TMPRSS2: variants seen among roughly 807,000 people sequenced by gnomAD.
The protein encoded by TMPRSS2 is transmembrane protease serine 2.
A neutral mutation model predicts 67.4 loss-of-function variants in TMPRSS2; 59 were observed. The ratio of observed to expected loss-of-function variants is 0.88; its 90% CI spans 0.71 to 1.09. The LOEUF is 1.09. Among genes scored for constraint, TMPRSS2 ranks in the 50% least tolerant of loss-of-function variants. The pLI is 0.00. For synonymous variants in TMPRSS2, 257 were observed against 257.0 expected, an observed-to-expected ratio of 1.00 and a Z score of 0.00; for missense variants, 668 against 642.7, an observed-to-expected ratio of 1.04 and a Z score of -0.43.
At chr21:41,497,451 A>G (rs757573465) in intron 2 of TMPRSS2, among the ~76,000 whole-genome samples, 12 of 152,230 alleles carry the variant, frequency 7.9e-5, no homozygotes, top group Non-Finnish European at 1.8e-4. Context: ...CTTGCCATCC[A>G]CTAGCAAGCA....
At chr21:41,506,443 A>C (rs1443585942) in intron 1 of TMPRSS2, 1 of 152,208 alleles carries the variant, frequency 6.6e-6, no homozygotes, top group East Asian at 1.9e-4. Flanking sequence ...TTCTAACCTC[A>C]CCTGTCCAGT....
At chr21:41,497,373 G>A (rs2091391200) in intron 2 of TMPRSS2, among the ~76,000 whole-genome samples, 1 of 152,116 alleles carries the variant, frequency 6.6e-6, no homozygotes, top group African/African-American at 2.4e-5. Context: ...AGCACACAGA[G>A]GGAAAACACA....
intron 6 of TMPRSS2, among the ~76,000 whole-genome samples, chr21:41,480,173 CACCT>C (rs2091245725): frequency 6.6e-6 from 1 of 152,272 alleles, no homozygotes; most frequent in East Asian, 1.9e-4. Context: ...GAAAAAGAGG[CACCT>C]AACGCCCTCA....
At chr21:41,496,524 A>C (rs2091383471) in intron 2 of TMPRSS2, among the ~76,000 whole-genome samples, 1 of 152,220 alleles carries the variant, frequency 6.6e-6, no homozygotes, top group African/African-American at 2.4e-5. Flanking sequence ...TGTGAAAGGA[A>C]CTGCCTAGAA....
At chr21:41,498,506 G>A (rs928675786) in intron 1 of TMPRSS2, among the ~76,000 whole-genome samples, 2 of 152,190 alleles carry the variant, frequency 1.3e-5, no homozygotes, top group African/African-American at 2.4e-5. Context: ...AACACACTCA[G>A]TGACTCAAAC....
intron 7 of TMPRSS2, among the ~76,000 whole-genome samples, chr21:41,477,202 C>T (rs945516047): frequency 3.9e-5 from 6 of 152,154 alleles, no homozygotes; most frequent in Non-Finnish European, 7.3e-5. Flanking sequence ...AGAGCTGGCC[C>T]GCCCTGATAG....
At chr21:41,494,861 G>A (rs1043987562) in intron 2 of TMPRSS2, 2 of 429,224 alleles carry the variant, frequency 4.7e-6, no homozygotes, top group Non-Finnish European at 8.6e-6. Context: ...ATGAGGTCAG[G>A]AGATCGAGAC....
intron 8 of TMPRSS2, among the ~76,000 whole-genome samples, 179 bp from the exon 9 acceptor site, chr21:41,473,675 A>G (rs1022942032): frequency 3.3e-5 from 5 of 151,818 alleles, no homozygotes; most frequent in Non-Finnish European, 7.4e-5. Context: ...ATGCCCCTCC[A>G]GCCCACCCAG....
chr21:41,473,622 G>A, intron 8 of TMPRSS2, 126 bp from the exon 9 acceptor site: 2 of 1,058,502 alleles, frequency 1.9e-6, no homozygotes, highest in Non-Finnish European at 2.7e-6. Context: ...TGCTGGGGAT[G>A]GACTTAGGGG....
chr21:41,503,527 C>T (rs920822008), intron 1 of TMPRSS2, among the ~76,000 whole-genome samples: 4 of 152,292 alleles, frequency 2.6e-5, no homozygotes, highest in South Asian at 2.1e-4. Flanking sequence ...ACGTAAGAGC[C>T]GGCTATGTGG....
rs147977027 is a variant in TMPRSS2 at position 41,502,347 on chromosome 21, T to C, written c.-56-4158A>G. 1.3e-5 allele frequency: 13 copies of C among 980,230 alleles called. No homozygotes were observed. The East Asian group carries it at 1.5e-3, about 112-fold the overall frequency. 60.7% of individuals were successfully genotyped at this position (980,230 alleles called of 1,614,324 possible). ...GACTCCCACCCAAGATCCAGGGGTA[T>C]TCTCTGCAATGAAGTCTCCACTGAC... On this transcript the variant is annotated intron_variant, in intron 1 of 13. Coordinates refer to ENST00000332149, the MANE Select transcript of TMPRSS2 (RefSeq NM_005656.4).
At chr21:41,468,253 T>A in intron 12 of TMPRSS2, 143 bp downstream of exon 12, 1 of 1,027,646 alleles carries the variant, frequency 9.7e-7, no homozygotes, top group Non-Finnish European at 1.4e-6. Flanking sequence ...TCGCACTGTT[T>A]GTGGCCGTCA....
rs904270899 is a variant in TMPRSS2, at chr21:41,466,063, G to C, written c.*79C>G. ...GAAGTGACCTCTGAATCATCTCTAA[G>C]AGTAAATCATGCACGGGGAAGCAAA... On this transcript the variant is annotated 3_prime_UTR_variant, in exon 14 of 14. Coordinates refer to ENST00000332149, the MANE Select transcript of TMPRSS2 (RefSeq NM_005656.4). 39 of 1,524,958 alleles carry C rather than the reference G, an allele frequency of 2.6e-5. No homozygotes were observed. The highest frequency in any genetic ancestry group is 3.3e-5 in the Non-Finnish European group (36 of 1,104,362). 94.5% of individuals were successfully genotyped at this position (1,524,958 alleles called of 1,614,324 possible).
At chr21:41,504,929 G>T (rs989435736) in intron 1 of TMPRSS2, among the ~76,000 whole-genome samples, 1 of 152,300 alleles carries the variant, frequency 6.6e-6, no homozygotes, top group African/African-American at 2.4e-5. Flanking sequence ...GGAAAGTAAG[G>T]AGGGGCGGGG....
chr21:41,496,256 T>C (rs919311893), intron 2 of TMPRSS2, among the ~76,000 whole-genome samples: 1 of 152,202 alleles, frequency 6.6e-6, no homozygotes, highest in African/African-American at 2.4e-5. Context: ...AGTGAAGAAA[T>C]GTTCCTAAAG....
chr21:41,498,191 T>C lies in TMPRSS2; in HGVS notation c.-56-2A>G. On this transcript the variant is annotated splice_acceptor_variant, in intron 1 of 13. Transcript: ENST00000332149. LOFTEE classifies it low-confidence loss of function (5UTR_SPLICE). Reference sequence around the variant, plus strand: ...GGTATCTGGAATGTTCAATATGACCTAGAAGAAAGAATTACAGGACTGTAA... The same window carrying C: ...GGTATCTGGAATGTTCAATATGACCCAGAAGAAAGAATTACAGGACTGTAA... 6.2e-7 allele frequency: 1 copy of C among 1,602,640 alleles called. No individual in the cohort carries two copies.
intron 5 of TMPRSS2, among the ~76,000 whole-genome samples, chr21:41,486,176 GAAAAAACA>G (rs1447738670): frequency 4.6e-5 from 7 of 152,150 alleles, no homozygotes; most frequent in Admixed American, 2.6e-4. Flanking sequence ...TCTATTTCTA[GAAAAAACA>G]AATGGTTCTA....
In TMPRSS2 at chr21:41,473,413, C is replaced by A. The variant is rs1440039183; in HGVS notation, c.811G>T (p.Val271Phe). 1 of 1,610,186 alleles carries A rather than the reference C, an allele frequency of 6.2e-7. No homozygotes were observed. Among genetic ancestry groups the A allele is most frequent in the South Asian group, 1.1e-5 (1 of 90,536 alleles). The part of the protein sequence containing the change: ...SALPGAWPWQ[V>F]SLHVQNVHVC... ...TGGACGTTCTGGACGTGCAGGCTGA[C>A]CTGCCAGGGCCAGGCCCCCGGGAGC... Residue 271 changes from valine (V) to phenylalanine (F), a missense_variant, in exon 9 of 14, where the codon GTC becomes TTC. Physicochemically the swap from Val to Phe is conservative, Grantham distance 50. Coordinates refer to ENST00000332149, the MANE Select transcript of TMPRSS2 (RefSeq NM_005656.4).
chr21:41,484,041 C>T (rs1006569708), intron 5 of TMPRSS2, among the ~76,000 whole-genome samples: 1 of 152,040 alleles, frequency 6.6e-6, no homozygotes, highest in African/African-American at 2.4e-5. Flanking sequence ...ATGGATTGAG[C>T]CCAGGAGGTC....
Sources: gnomAD v4.1 joint callset for allele counts (sites outside exome capture counted in the v4.1 genomes callset) on GRCh38, gnomAD v4.1.1 for gene constraint, MANE v1.5 for transcripts, NCBI Gene and HGNC (gene_info 2026-07-23, HGNC 2026-07-21) for gene names.